PLCE1: variants seen among roughly 807,000 people sequenced by gnomAD.
PLCE1 encodes 1-phosphatidylinositol 4,5-bisphosphate phosphodiesterase epsilon-1.
A neutral mutation model predicts 242.8 loss-of-function variants in PLCE1; 119 were observed. The ratio of observed to expected loss-of-function variants is 0.49; its 90% CI spans 0.42 to 0.57. The LOEUF is 0.57. Among genes scored for constraint, PLCE1 ranks in the 20% least tolerant of loss-of-function variants. The pLI, the probability that PLCE1 is intolerant of heterozygous loss-of-function variation, is 0.00. For synonymous variants in PLCE1, 945 were observed against 1,017.4 expected (o/e 0.93, Z 1.35); for missense variants, 2,441 against 2,788.8 (o/e 0.88, Z 2.81).
chr10:94,003,481 C>T (rs1472217071), intron 1 of PLCE1, among the ~76,000 whole-genome samples: 1 of 152,164 alleles, frequency 6.6e-6, no homozygotes, highest in Admixed American at 6.5e-5. Flanking sequence ...AGTTCATTAT[C>T]TGTTTGTTAA....
chr10:94,256,875 T>A (rs1187155597), intron 11 of PLCE1, among the ~76,000 whole-genome samples: 2 of 152,140 alleles, frequency 1.3e-5, no homozygotes, highest in African/African-American at 2.4e-5. Context: ...CTAGACTGAA[T>A]CCTAAGTCTG....
intron 19 of PLCE1, among the ~76,000 whole-genome samples, chr10:94,274,637 G>A (rs2051878111): frequency 1.3e-5 from 2 of 152,142 alleles, no homozygotes; most frequent in South Asian, 4.1e-4. Context: ...GGACAGGAGT[G>A]GAGTGTGCAC....
At chr10:94,251,593 A>G (rs2137611077) in intron 8 of PLCE1, among the ~76,000 whole-genome samples, 1 of 152,336 alleles carries the variant, frequency 6.6e-6, no homozygotes, top group Middle Eastern at 3.4e-3. Flanking sequence ...AGAATCATTG[A>G]CAATTGTTTA....
intron 8 of PLCE1, among the ~76,000 whole-genome samples, chr10:94,246,929 T>A (rs2050704401): frequency 6.6e-6 from 1 of 152,038 alleles, no homozygotes; most frequent in Non-Finnish European, 1.5e-5. Context: ...CTGGCCAACA[T>A]GGTGAAACCC....
At chr10:94,148,044 C>T (rs931816317) in intron 3 of PLCE1, among the ~76,000 whole-genome samples, 1 of 152,154 alleles carries the variant, frequency 6.6e-6, no homozygotes, top group South Asian at 2.1e-4. Context: ...AGTCCCAGAT[C>T]AACCATATAG....
chr10:94,319,495 C>T (rs2053702080), intron 29 of PLCE1, among the ~76,000 whole-genome samples: 1 of 152,136 alleles, frequency 6.6e-6, no homozygotes, highest in South Asian at 2.1e-4. Context: ...ATCTCTCCTG[C>T]CTTTTATAAT....
chr10:94,088,503 G>T (rs182733178), intron 2 of PLCE1, among the ~76,000 whole-genome samples: 2 of 152,286 alleles, frequency 1.3e-5, no homozygotes, highest in Non-Finnish European at 2.9e-5. Flanking sequence ...GTAATCAATA[G>T]CAGTTGCCCA....
chr10:94,129,308 C>T (rs150072032), intron 2 of PLCE1, among the ~76,000 whole-genome samples: 8 of 152,350 alleles, frequency 5.3e-5, no homozygotes, highest in African/African-American at 1.4e-4. Context: ...CGTCTACAGG[C>T]TGTGTTCTTT....
chr10:94,076,407 G>C lies in PLCE1; in HGVS notation c.1206+44155G>C, dbSNP rs544243317. On this transcript the variant is annotated intron_variant, in intron 2 of 32. Coordinates refer to ENST00000371380, the MANE Select transcript of PLCE1 (RefSeq NM_016341.4). The stretch of plus-strand genomic sequence containing the variant: ...TACATTACTGTCAGGTGATTTCTGA[G>C]ATGTTGCTTTGTTGCAGTACAAGTT... Among the ~76,000 whole-genome samples, 3 of 152,276 alleles carry C rather than the reference G, an allele frequency of 2.0e-5. No individual in the cohort carries two copies. In the East Asian group the frequency reaches 5.8e-4, roughly 29 times the overall value.
chr10:94,145,497 C>A (rs2047085502), intron 3 of PLCE1, among the ~76,000 whole-genome samples: 1 of 152,172 alleles, frequency 6.6e-6, no homozygotes, highest in African/African-American at 2.4e-5. Context: ...CAAATCCAAG[C>A]CACGTGTGTT....
chr10:94,097,373 G>GA (rs1209972866), intron 2 of PLCE1, among the ~76,000 whole-genome samples: 1 of 151,994 alleles, frequency 6.6e-6, no homozygotes, highest in Non-Finnish European at 1.5e-5. Flanking sequence ...CATCAAGGGG[G>GA]AAAAAATGAT....
chr10:94,207,247 G>T (rs894656694), intron 4 of PLCE1, among the ~76,000 whole-genome samples: 1 of 152,204 alleles, frequency 6.6e-6, no homozygotes, highest in Non-Finnish European at 1.5e-5. Flanking sequence ...TGGAGAAGGG[G>T]ACACACAGCT....
chr10:94,179,938 A>C (rs116258975), intron 4 of PLCE1, among the ~76,000 whole-genome samples: 11,997 of 145,500 alleles, frequency 0.082, 808 homozygotes, highest in African/African-American at 0.21. Context: ...TTAGTTCCCA[A>C]AAAAAAAAAA....
chr10:94,252,835 C>T (rs1176442661), intron 9 of PLCE1, among the ~76,000 whole-genome samples: 2 of 152,102 alleles, frequency 1.3e-5, no homozygotes, highest in South Asian at 2.1e-4. Context: ...GCAACTGACA[C>T]GCAGGTCTTG....
chr10:94,005,169 G>A (rs2134210189), intron 1 of PLCE1, among the ~76,000 whole-genome samples: 1 of 152,286 alleles, frequency 6.6e-6, no homozygotes, highest in South Asian at 2.1e-4. Flanking sequence ...TGGGACTGAG[G>A]TAGCACATTC....
intron 16 of PLCE1, among the ~76,000 whole-genome samples, 165 bp downstream of exon 16, chr10:94,266,123 ACAG>A (rs1167826711): frequency 6.6e-6 from 1 of 152,166 alleles, no homozygotes; most frequent in African/African-American, 2.4e-5. Flanking sequence ...TGGCTATACT[ACAG>A]CAGTCGTTTT....
At chr10:94,009,847 C>A (rs372840616) in intron 1 of PLCE1, among the ~76,000 whole-genome samples, 1 of 152,234 alleles carries the variant, frequency 6.6e-6, no homozygotes, top group Non-Finnish European at 1.5e-5. Flanking sequence ...TGGCTGCTCT[C>A]GCAGGTTGGA....
At chr10:94,292,509 A>G (rs910478302) in intron 22 of PLCE1, among the ~76,000 whole-genome samples, 1 of 152,194 alleles carries the variant, frequency 6.6e-6, no homozygotes, top group Non-Finnish European at 1.5e-5. Flanking sequence ...CAGCCTGTAT[A>G]TGTATATTAT....
At chr10:94,265,173 G>A (rs758905729) in intron 14 of PLCE1, among the ~76,000 whole-genome samples, 1 of 152,228 alleles carries the variant, frequency 6.6e-6, no homozygotes, top group Non-Finnish European at 1.5e-5. Flanking sequence ...CTGGGTATCA[G>A]TGTATTAGTT....
Sources: gnomAD v4.1 joint callset for allele counts (sites outside exome capture counted in the v4.1 genomes callset) on GRCh38, gnomAD v4.1.1 for gene constraint, MANE v1.5 for transcripts, NCBI Gene and HGNC (gene_info 2026-07-23, HGNC 2026-07-21) for gene names.